The following GABRB1 variants were observed in gnomAD, a reference collection of about 807,000 sequenced individuals.
The protein encoded by GABRB1 is gamma-aminobutyric acid receptor subunit beta-1.
A neutral mutation model predicts 51.6 loss-of-function variants in GABRB1; 17 were observed. That is an observed-to-expected ratio of 0.33 (90% CI 0.23 to 0.49). GABRB1 has a LOEUF of 0.49. GABRB1 is among the 20% of genes least tolerant of loss of function. The pLI, the probability that GABRB1 is intolerant of heterozygous loss-of-function variation, is 0.99. For synonymous variants in GABRB1, 247 were observed against 218.9 expected (o/e 1.13, Z -1.14); for missense variants, 410 against 600.6 (o/e 0.68, Z 3.32).
chr4:47,047,563 A>T (rs1726152879), intron 3 of GABRB1, among the ~76,000 whole-genome samples: 2 of 152,128 alleles, frequency 1.3e-5, no homozygotes, highest in Admixed American at 1.3e-4. Context: ...AGATCATAAA[A>T]CATCATTATT....
At chr4:47,302,160 C>T (rs1421719668) in intron 4 of GABRB1, among the ~76,000 whole-genome samples, 1 of 151,974 alleles carries the variant, frequency 6.6e-6, no homozygotes, top group Admixed American at 6.6e-5. Flanking sequence ...TCTTTTGATC[C>T]AACAATTCCC....
intron 4 of GABRB1, among the ~76,000 whole-genome samples, chr4:47,311,060 CAA>C (rs34566582): frequency 9.6e-5 from 5 of 52,172 alleles, no homozygotes; most frequent in African/African-American, 1.7e-4. Flanking sequence ...AACTCTGTCT[CAA>C]AAAAAAAAAA....
intron 5 of GABRB1, among the ~76,000 whole-genome samples, chr4:47,398,576 A>G (rs972762922): frequency 1.5e-3 from 230 of 152,256 alleles, no homozygotes; most frequent in Non-Finnish European, 2.4e-3. Flanking sequence ...AGAGAGAGAG[A>G]GACAGAGAGA....
At chr4:47,155,916 C>CATATATATATATATATAT (rs10525795) in intron 3 of GABRB1, among the ~76,000 whole-genome samples, 4,421 of 72,668 alleles carry the variant, frequency 0.061, 774 homozygotes, top group Non-Finnish European at 0.087. Flanking sequence ...GAGGTATTTT[C>CATATATATATATATATAT]ATATATATAT....
At chr4:47,065,187 T>C (rs952734195) in intron 3 of GABRB1, among the ~76,000 whole-genome samples, 3 of 152,344 alleles carry the variant, frequency 2.0e-5, no homozygotes, top group South Asian at 2.1e-4. Context: ...CAGTAGATGT[T>C]GGAAAGACAA....
At chr4:47,220,851 C>T (rs1720740019) in intron 4 of GABRB1, among the ~76,000 whole-genome samples, 1 of 151,956 alleles carries the variant, frequency 6.6e-6, no homozygotes, top group Non-Finnish European at 1.5e-5. Flanking sequence ...GGCTTCTCTC[C>T]AATTGAATCT....
At chr4:47,295,632 C>T (rs1447380905) in intron 4 of GABRB1, among the ~76,000 whole-genome samples, 19 of 152,280 alleles carry the variant, frequency 1.2e-4, no homozygotes, top group African/African-American at 3.6e-4. Context: ...CTACGTCTGA[C>T]TGGTGTACCT....
chr4:47,032,775 T>G (rs762481358), intron 3 of GABRB1: 25 of 618,094 alleles, frequency 4.0e-5, no homozygotes, highest in Admixed American at 1.1e-4. Context: ...TTACTTTAGC[T>G]GGGTTTCCCT....
At chr4:47,423,870 G>C (rs1317551699) in intron 8 of GABRB1, among the ~76,000 whole-genome samples, 5 of 152,116 alleles carry the variant, frequency 3.3e-5, no homozygotes, top group Non-Finnish European at 7.3e-5. Context: ...AGGTAAATTA[G>C]TAAGATTCAA....
At chr4:47,053,167 G>A (rs993709682) in intron 3 of GABRB1, among the ~76,000 whole-genome samples, 4 of 152,156 alleles carry the variant, frequency 2.6e-5, no homozygotes, top group Non-Finnish European at 4.4e-5. Context: ...GAAGAGCTCT[G>A]GAGCAAGAAT....
intron 5 of GABRB1, among the ~76,000 whole-genome samples, chr4:47,373,281 G>T (rs1727271175): frequency 6.6e-6 from 1 of 152,046 alleles, no homozygotes; most frequent in Non-Finnish European, 1.5e-5. Context: ...TTTTATTTGA[G>T]TTGGGGTGAG....
rs1726440122 is a variant in GABRB1, at chr4:47,053,313, A to T, written c.240+20829A>T. Among the ~76,000 whole-genome samples, 3 of 152,190 alleles carry T rather than the reference A, an allele frequency of 2.0e-5. No individual in the cohort carries two copies. The South Asian group carries it at 6.2e-4, about 32-fold the overall frequency. Reference sequence around the variant, plus strand: ...TTTTTCACAATTCTGGAAACTGGGAACGCCAAGATGAAGGCACCAGCAGGT... The same window carrying T: ...TTTTTCACAATTCTGGAAACTGGGATCGCCAAGATGAAGGCACCAGCAGGT... On this transcript the variant is annotated intron_variant, in intron 3 of 8. Transcript: ENST00000295454.
intron 4 of GABRB1, among the ~76,000 whole-genome samples, chr4:47,175,691 GATATGAGAA>G (rs1718664652): frequency 6.6e-6 from 1 of 152,138 alleles, no homozygotes; most frequent in Non-Finnish European, 1.5e-5. Flanking sequence ...AGTGCATTGA[GATATGAGAA>G]ATATGTGTGC....
intron 3 of GABRB1, among the ~76,000 whole-genome samples, chr4:47,098,631 A>C (rs1336353191): frequency 6.6e-6 from 1 of 152,146 alleles, no homozygotes; most frequent in Non-Finnish European, 1.5e-5. Flanking sequence ...TCTCATATAG[A>C]TCTGACAACA....
intron 3 of GABRB1, among the ~76,000 whole-genome samples, chr4:47,145,777 G>A (rs929082220): frequency 6.6e-6 from 1 of 152,020 alleles, no homozygotes; most frequent in African/African-American, 2.4e-5. Context: ...GACTGGCTCC[G>A]ACAGGATGAG....
chr4:47,130,836 G>A (rs1308727907), intron 3 of GABRB1, among the ~76,000 whole-genome samples: 3 of 152,078 alleles, frequency 2.0e-5, no homozygotes, highest in African/African-American at 7.2e-5. Context: ...TATAGTAATA[G>A]CTCAATAAAC....
upstream of GABRB1, among the ~76,000 whole-genome samples, chr4:47,030,448 A>T (rs949983326): frequency 9.9e-5 from 15 of 152,206 alleles, no homozygotes; most frequent in Admixed American, 9.2e-4. Flanking sequence ...GCAGCAGACT[A>T]TAATAGGAGT....
intron 4 of GABRB1, among the ~76,000 whole-genome samples, chr4:47,319,038 A>C (rs1724978990): frequency 1.3e-5 from 2 of 152,086 alleles, no homozygotes; most frequent in Non-Finnish European, 2.9e-5. Flanking sequence ...ATTTTATTTA[A>C]CGATGCATCA....
chr4:47,312,846 G>A (rs1724752954), intron 4 of GABRB1, among the ~76,000 whole-genome samples: 1 of 152,090 alleles, frequency 6.6e-6, no homozygotes, highest in South Asian at 2.1e-4. Flanking sequence ...GTATATGTGT[G>A]CACACGTGTG....
Sources: allele counts gnomAD v4.1 joint callset (sites outside exome capture counted in the v4.1 genomes callset), GRCh38; gene constraint gnomAD v4.1.1; transcripts MANE v1.5; gene names NCBI Gene and HGNC (gene_info 2026-07-23, HGNC 2026-07-21).